Variants in TIMP2 observed in about 807,000 individuals in gnomAD.
TIMP2 encodes the protein TIMP metallopeptidase inhibitor 2, also known as metalloproteinase inhibitor 2.
Under a neutral mutation model 24.3 loss-of-function variants are expected in TIMP2, and 5 were observed. That is an observed-to-expected ratio of 0.21 (90% CI 0.11 to 0.43). The LOEUF is 0.43. Ranked by LOEUF, TIMP2 falls within the 20% of genes least tolerant of loss-of-function variation. The probability of loss-of-function intolerance (pLI) is 1.00; values close to 1 mark genes in which losing one functional copy is unlikely to be tolerated. For missense variants in TIMP2, 221 were observed against 297.5 expected, an observed-to-expected ratio of 0.74 and a Z score of 1.89; for synonymous variants, 130 against 123.2, an observed-to-expected ratio of 1.06 and a Z score of -0.37.
intron 1 of TIMP2, among the ~76,000 whole-genome samples, chr17:78,893,487 A>ATAGC (rs2069949998): frequency 7.2e-6 from 1 of 139,724 alleles, no homozygotes; most frequent in African/African-American, 2.7e-5. Context: ...GTGTGTGTGC[A>ATAGC]GGGGTGTGTG....
intron 1 of TIMP2, among the ~76,000 whole-genome samples, chr17:78,915,435 A>T (rs954412522): frequency 5.3e-5 from 8 of 151,702 alleles, no homozygotes; most frequent in Non-Finnish European, 8.8e-5. Context: ...CACAGCCTAG[A>T]CCATTCATCC....
At chr17:78,889,424 T>C (rs1599158138) in intron 1 of TIMP2, among the ~76,000 whole-genome samples, 1 of 152,340 alleles carries the variant, frequency 6.6e-6, no homozygotes, top group Admixed American at 6.5e-5. Context: ...TCTTTTCTCT[T>C]AAAGTTATAA....
At chr17:78,905,290 T>G (rs932770284) in intron 1 of TIMP2, among the ~76,000 whole-genome samples, 5 of 152,188 alleles carry the variant, frequency 3.3e-5, no homozygotes, top group African/African-American at 1.2e-4. Flanking sequence ...ACTGCACCAG[T>G]GACCCTGCTG....
Position 78,890,758 on chromosome 17 carries a change from G to T in TIMP2, c.131-16839C>A, listed in dbSNP as rs571031295. The stretch of plus-strand genomic sequence containing the variant: ...CTCGGATCATCTGACTGTGCCGGTC[G>T]TCGTCGGCGAGGCTGGTGCCCGATG... On this transcript the variant is annotated intron_variant, in intron 1 of 4. Coordinates refer to ENST00000262768, the MANE Select transcript of TIMP2 (RefSeq NM_003255.5). The T allele has an allele frequency of 2.6e-6, 4 of 1,550,512 alleles. No individual in the cohort carries two copies. The African/African-American group carries it at 5.5e-5, about 21-fold the overall frequency.
intron 3 of TIMP2, among the ~76,000 whole-genome samples, chr17:78,857,880 G>T (rs1224216980): frequency 6.6e-6 from 1 of 151,416 alleles, no homozygotes; most frequent in Non-Finnish European, 1.5e-5. Flanking sequence ...GACCAGCCTG[G>T]CCAACGTGAT....
intron 2 of TIMP2, among the ~76,000 whole-genome samples, chr17:78,873,303 ATT>A (rs529558087): frequency 0.12 from 17,310 of 139,832 alleles, 1,335 homozygotes; most frequent in African/African-American, 0.21. Context: ...CCTGCCACAT[ATT>A]TTTTTTTTTT....
intron 1 of TIMP2, among the ~76,000 whole-genome samples, chr17:78,921,423 G>C (rs1452699047): frequency 6.6e-6 from 1 of 152,250 alleles, no homozygotes; most frequent in African/African-American, 2.4e-5. Flanking sequence ...ACCCAAGCCA[G>C]AGGAGAGGTT....
At position 78,925,196 on chromosome 17, in the gene TIMP2, G is replaced by A; in HGVS notation, c.-108C>T. ...GGGGGCTGAGCCGGGGCCGAGGCGGGCCCCTCCCGCGCGGCTCACCCTCCT... is the reference window on the plus strand; with the variant it reads ...GGGGGCTGAGCCGGGGCCGAGGCGGACCCCTCCCGCGCGGCTCACCCTCCT... On this transcript the variant is annotated 5_prime_UTR_variant, in exon 1 of 5. Coordinates refer to ENST00000262768, the MANE Select transcript of TIMP2 (RefSeq NM_003255.5). 1 of 271,112 alleles carries A rather than the reference G, an allele frequency of 3.7e-6. No individual in the cohort carries two copies. Among genetic ancestry groups the A allele is most frequent in the Non-Finnish European group, 5.6e-6 (1 of 179,720 alleles). 16.8% of individuals were successfully genotyped at this position (271,112 alleles called of 1,614,324 possible).
At position 78,924,120 on chromosome 17, in the gene TIMP2, C is replaced by A. The variant is rs933784185; in HGVS notation, c.130+839G>T. ...CCTCCCATTTCTGCTGGTCCTCCCC[C>A]TCCATGGATCAGAACAAATAACTGG... is the stretch of plus-strand genomic sequence containing the variant. On this transcript the variant is annotated intron_variant, in intron 1 of 4. Coordinates refer to ENST00000262768, the MANE Select transcript of TIMP2 (RefSeq NM_003255.5). This position sits in a 1 kb window ranked among gnomAD's most constrained non-coding sequence, Gnocchi z 5.3. Among the ~76,000 whole-genome samples the A allele has an allele frequency of 6.6e-6, 1 of 152,338 alleles. No individual in the cohort carries two copies. The highest frequency in any genetic ancestry group is 2.1e-4 in the South Asian group (1 of 4,830).
chr17:78,916,274 C>T (rs972617815), intron 1 of TIMP2, among the ~76,000 whole-genome samples: 12 of 152,168 alleles, frequency 7.9e-5, no homozygotes, highest in African/African-American at 2.9e-4. Context: ...CAGCATTTGA[C>T]CCCCGCTCAC....
Position 78,892,397 on chromosome 17 carries a change from G to A in TIMP2, c.131-18478C>T, listed in dbSNP as rs1245989696. Reference sequence around the variant, plus strand: ...GGGAAGGTGCTTGGAGCCAAGAGTGGAGGGTTCAAGGGGCGCCCCCGGGCC... The same window carrying A: ...GGGAAGGTGCTTGGAGCCAAGAGTGAAGGGTTCAAGGGGCGCCCCCGGGCC... On this transcript the variant is annotated intron_variant, in intron 1 of 4. Coordinates refer to ENST00000262768, the MANE Select transcript of TIMP2 (RefSeq NM_003255.5). 9 of 1,550,462 alleles carry A rather than the reference G, an allele frequency of 5.8e-6. No homozygotes were observed. In the East Asian group the frequency reaches 7.3e-5, roughly 13 times the overall value.
chr17:78,860,571 T>A (rs16971783), intron 3 of TIMP2, among the ~76,000 whole-genome samples: 11,767 of 152,248 alleles, frequency 0.077, 877 homozygotes, highest in African/African-American at 0.19. Context: ...GGGTTTGAAT[T>A]CTTATGCTCG....
chr17:78,884,667 C>T lies in TIMP2; in HGVS notation c.131-10748G>A, dbSNP rs1298904200. Among the ~76,000 whole-genome samples the T allele has an allele frequency of 2.6e-5, 4 of 152,126 alleles. No homozygotes were observed. The South Asian group carries it at 6.2e-4, about 24-fold the overall frequency. On this transcript the variant is annotated intron_variant, in intron 1 of 4. Transcript: ENST00000262768. ...TGGGGGGTGTGCATCTGTGTAGCCCCGTCTCCAGCTGGAGGACTTGGCCTG... is the reference window on the plus strand; with the variant it reads ...TGGGGGGTGTGCATCTGTGTAGCCCTGTCTCCAGCTGGAGGACTTGGCCTG...
At position 78,855,700 on chromosome 17, in the gene TIMP2, G is replaced by T; in HGVS notation, c.630C>A (p.Pro210=). 8 of 1,613,906 alleles carry T rather than the reference G, an allele frequency of 5.0e-6. No homozygotes were observed. The highest frequency in any genetic ancestry group is 1.6e-4 in the Middle Eastern group (1 of 6,062). ...SCAWYRGAAP[P]KQEFLDIEDP is the part of the protein sequence containing the mutation. The stretch of plus-strand genomic sequence containing the variant: ...CCTCGATGTCGAGAAACTCCTGCTT[G>T]GGGGGCGCCGCGCCGCGGTACCACG... The change falls in exon 5 of 5, where the codon CCC becomes CCA. Residue 210 remains proline, a synonymous_variant. Coordinates refer to ENST00000262768, the MANE Select transcript of TIMP2 (RefSeq NM_003255.5). The surrounding 1 kb of genome is among the most constrained non-coding windows in gnomAD (Gnocchi z 6.0).
At chr17:78,915,641 T>C (rs1404636339) in intron 1 of TIMP2, among the ~76,000 whole-genome samples, 2 of 151,956 alleles carry the variant, frequency 1.3e-5, no homozygotes, top group East Asian at 3.9e-4. Flanking sequence ...TGCCTCAGCC[T>C]CCCGAGTAGC....
chr17:78,872,826 CTTT>C (rs796085617), intron 2 of TIMP2, among the ~76,000 whole-genome samples: 1 of 147,378 alleles, frequency 6.8e-6, no homozygotes, highest in African/African-American at 2.5e-5. Flanking sequence ...TTTTCAGCTA[CTTT>C]TTTTTTTTTC....
At chr17:78,895,479 A>G (rs1014802978) in intron 1 of TIMP2, among the ~76,000 whole-genome samples, 4 of 152,160 alleles carry the variant, frequency 2.6e-5, no homozygotes, top group Non-Finnish European at 4.4e-5. Context: ...GACAATAGCA[A>G]CTGTCAGTGA....
At chr17:78,918,082 A>G (rs867649200) in intron 1 of TIMP2, among the ~76,000 whole-genome samples, 1 of 147,974 alleles carries the variant, frequency 6.8e-6, no homozygotes, top group Non-Finnish European at 1.5e-5. Context: ...ACACACACAC[A>G]CACACACACA....
At chr17:78,866,534 A>C in intron 3 of TIMP2, among the ~76,000 whole-genome samples, 1 of 110,910 alleles carries the variant, frequency 9.0e-6, no homozygotes, top group Non-Finnish European at 1.8e-5. Flanking sequence ...CACCAATTCC[A>C]CTGCCAGGGA....
Sources: gnomAD v4.1 joint callset for allele counts (sites outside exome capture counted in the v4.1 genomes callset) on GRCh38, gnomAD v4.1.1 for gene constraint, Gnocchi (gnomAD v3.1) non-coding constraint, MANE v1.5 for transcripts, NCBI Gene and HGNC (gene_info 2026-07-23, HGNC 2026-07-21) for gene names.